MTA3: variants seen among roughly 807,000 people sequenced by gnomAD.
MTA3 encodes the protein metastasis-associated protein MTA3.
Under a neutral mutation model 83.5 loss-of-function variants are expected in MTA3, and 34 were observed. The observed-to-expected ratio is 0.41, with a 90% confidence interval of 0.31 to 0.54. MTA3 has a LOEUF of 0.54. Among genes scored for constraint, MTA3 ranks in the 20% least tolerant of loss-of-function variants. The pLI, the probability that MTA3 is intolerant of heterozygous loss-of-function variation, is 0.33. For missense variants in MTA3, 761 were observed against 726.4 expected, an observed-to-expected ratio of 1.05 and a Z score of -0.55; for synonymous variants, 303 against 252.7, an observed-to-expected ratio of 1.20 and a Z score of -1.89.
intron 6 of MTA3, among the ~76,000 whole-genome samples, chr2:42,648,453 G>GGCA (rs1041366099): frequency 6.6e-6 from 1 of 152,188 alleles, no homozygotes. Flanking sequence ...TTGGGTAGGT[G>GGCA]GCAGCAGCAG....
intron 3 of MTA3, among the ~76,000 whole-genome samples, chr2:42,588,903 G>T (rs1431009049): frequency 6.6e-6 from 1 of 152,000 alleles, no homozygotes; most frequent in Non-Finnish European, 1.5e-5. Context: ...GCTGGGGCTG[G>T]CTAGGCAAGT....
rs1670134496 is a variant in MTA3, at chr2:42,754,900, A to G, written c.*1501A>G. ...TGAGGTGGAGGGCGGTTTTGCAGAC[A>G]TCTCAGCTTCTTTTCTGAGGAGGAG... is the stretch of plus-strand genomic sequence containing the variant. On this transcript the variant is annotated 3_prime_UTR_variant, in exon 17 of 17. Transcript: ENST00000405094. 2 of 985,558 alleles carry G rather than the reference A, an allele frequency of 2.0e-6. No homozygotes were observed. The highest frequency in any genetic ancestry group is 2.4e-6 in the Non-Finnish European group (2 of 830,062). The allele number at this position is 985,558 out of a possible 1,614,324, so 61.1% of individuals were successfully genotyped here.
upstream of MTA3, among the ~76,000 whole-genome samples, chr2:42,564,243 G>A: frequency 6.6e-6 from 1 of 152,198 alleles, no homozygotes; most frequent in East Asian, 1.9e-4. Context: ...CTACCTAAAG[G>A]TAATGTTACT....
chr2:42,705,210 T>C (rs979134858), intron 12 of MTA3, among the ~76,000 whole-genome samples: 4 of 152,222 alleles, frequency 2.6e-5, no homozygotes, highest in Admixed American at 2.0e-4. Flanking sequence ...TACATGGGGA[T>C]GTGTTTAACC....
intron 3 of MTA3, among the ~76,000 whole-genome samples, chr2:42,585,165 C>G (rs1680123484): frequency 6.6e-6 from 1 of 152,282 alleles, no homozygotes; most frequent in South Asian, 2.1e-4. Context: ...CTCCGGCTCA[C>G]TGCAACCTCC....
chr2:42,689,271 A>G (rs1451195372), intron 9 of MTA3, among the ~76,000 whole-genome samples: 1 of 152,134 alleles, frequency 6.6e-6, no homozygotes, highest in African/African-American at 2.4e-5. Context: ...TGTTTTTGAA[A>G]TTTATCTTTT....
In MTA3 at chr2:42,594,474, G is replaced by A. The variant is rs1277952592; in HGVS notation, c.191-14984G>A. On this transcript the variant is annotated intron_variant, in intron 3 of 16. Transcript: ENST00000405094. ...GCTGGTCTCAAACTCCTGACCTCAG[G>A]TGATCCACCCAACTCGGACTCCCAA... Among the ~76,000 whole-genome samples the A allele has an allele frequency of 2.0e-5, 3 of 150,276 alleles. No homozygotes were observed. The East Asian group carries it at 5.8e-4, about 29-fold the overall frequency.
At chr2:42,515,722 C>T (rs1394416574) in intron 2 of MTA3, among the ~76,000 whole-genome samples, 2 of 151,758 alleles carry the variant, frequency 1.3e-5, no homozygotes, top group Non-Finnish European at 2.9e-5. Flanking sequence ...AGGCTGGTCT[C>T]GAACTCCCGA....
intron 3 of MTA3, among the ~76,000 whole-genome samples, chr2:42,604,616 G>T: frequency 1.6e-5 from 2 of 128,460 alleles, no homozygotes; most frequent in Middle Eastern, 4.0e-3. Context: ...GATAATTCTT[G>T]GGTGTTTCTC....
At chr2:42,687,796 T>C (rs1449857240) in intron 9 of MTA3, among the ~76,000 whole-genome samples, 1 of 152,156 alleles carries the variant, frequency 6.6e-6, no homozygotes, top group Non-Finnish European at 1.5e-5. Flanking sequence ...TGTGTTCTCA[T>C]TTATCTGCTG....
Position 42,756,492 on chromosome 2 carries a change from C to T in MTA3, c.*3093C>T, listed in dbSNP as rs909524996. ...GGTGGGGCTGTGCGTGGCCTCAGTG[C>T]ACTCGGTGTCATGTCTGAGCCTGGT... On this transcript the variant is annotated 3_prime_UTR_variant, in exon 17 of 17. Coordinates refer to ENST00000405094, the MANE Select transcript of MTA3 (RefSeq NM_001330442.2). 2.0e-6 allele frequency: 2 copies of T among 985,446 alleles called. No individual in the cohort carries two copies. The highest frequency in any genetic ancestry group is 3.5e-5 in the African/African-American group (2 of 57,222). 61.0% of individuals were successfully genotyped at this position (985,446 alleles called of 1,614,324 possible).
chr2:42,703,083 C>T (rs1182800470), intron 11 of MTA3: 1 of 152,324 alleles, frequency 6.6e-6, no homozygotes, highest in Non-Finnish European at 1.5e-5. Flanking sequence ...CCCTAGCCTT[C>T]TGAGTAGCTG....
intron 2 of MTA3, among the ~76,000 whole-genome samples, chr2:42,559,604 C>G (rs1345060830): frequency 6.6e-6 from 1 of 151,622 alleles, no homozygotes; most frequent in Non-Finnish European, 1.5e-5. Flanking sequence ...TCTGGCCAGG[C>G]GCAGTGGCTC....
At chr2:42,537,993 G>A (rs1385307017) in intron 2 of MTA3, among the ~76,000 whole-genome samples, 1 of 152,120 alleles carries the variant, frequency 6.6e-6, no homozygotes, top group Non-Finnish European at 1.5e-5. Context: ...AGCACTTTGG[G>A]TGGCCGAGGC....
rs150348196 is a variant in MTA3 at position 42,756,798 on chromosome 2, C to G, written c.*3399C>G. 1,523 of 985,472 alleles carry G rather than the reference C, an allele frequency of 1.5e-3. 6 individuals carry two copies. The highest frequency in any genetic ancestry group is 1.6e-3 in the Non-Finnish European group (1,363 of 829,956). The allele number at this position is 985,472 out of a possible 1,614,324, so 61.0% of individuals were successfully genotyped here. On this transcript the variant is annotated 3_prime_UTR_variant, in exon 17 of 17. Transcript: ENST00000405094. ...TCTCTGATTTTCCCTGCCAGGGAAG[C>G]TAACCCAGAGCACGCACCTGTGCTC... is the stretch of plus-strand genomic sequence containing the variant.
intron 6 of MTA3, among the ~76,000 whole-genome samples, chr2:42,646,681 A>G (rs1266919249): frequency 6.6e-6 from 1 of 152,154 alleles, no homozygotes; most frequent in Non-Finnish European, 1.5e-5. Flanking sequence ...TTGTGGTAAA[A>G]CTTGGATGAG....
At chr2:42,579,445 G>A (rs1242198299) in intron 3 of MTA3, among the ~76,000 whole-genome samples, 2 of 139,936 alleles carry the variant, frequency 1.4e-5, no homozygotes, top group African/African-American at 2.6e-5. Flanking sequence ...TTTTTTTTCC[G>A]GAGACAAAGT....
intron 9 of MTA3, among the ~76,000 whole-genome samples, chr2:42,690,998 T>C (rs889059747): frequency 6.6e-6 from 1 of 152,050 alleles, no homozygotes; most frequent in African/African-American, 2.4e-5. Flanking sequence ...TGCCTCAGCC[T>C]CCCAAGTAGC....
intron 16 of MTA3, among the ~76,000 whole-genome samples, chr2:42,731,677 C>A: frequency 6.6e-6 from 1 of 152,158 alleles, no homozygotes; most frequent in East Asian, 1.9e-4. Context: ...CCATATCATT[C>A]CACCCCTGGC....
Sources: allele counts gnomAD v4.1 joint callset (sites outside exome capture counted in the v4.1 genomes callset), GRCh38; gene constraint gnomAD v4.1.1; transcripts MANE v1.5; gene names NCBI Gene and HGNC (gene_info 2026-07-23, HGNC 2026-07-21).